The following GRIN2A variants were observed in gnomAD, a reference collection of about 807,000 sequenced individuals.
The protein encoded by GRIN2A is glutamate ionotropic receptor NMDA type subunit 2A.
GRIN2A carries 22 observed loss-of-function variants against 113.4 expected under a neutral mutation model. That is an observed-to-expected ratio of 0.19 (90% confidence interval 0.14 to 0.28). The LOEUF (loss-of-function observed/expected upper bound fraction) is 0.28, where lower values mean the gene tolerates loss of function less well. Ranked by LOEUF, GRIN2A falls within the 10% of genes least tolerant of loss-of-function variation. The probability of loss-of-function intolerance (pLI) is 1.00; values close to 1 mark genes in which losing one functional copy is unlikely to be tolerated. For synonymous variants in GRIN2A, 827 were observed against 738.4 expected (o/e 1.12, Z -1.94); for missense variants, 1,502 against 1,887.0 (o/e 0.80, Z 3.78).
chr16:10,110,561 G>A (rs924145094), intron 2 of GRIN2A, among the ~76,000 whole-genome samples: 2 of 152,200 alleles, frequency 1.3e-5, no homozygotes, highest in African/African-American at 2.4e-5. Flanking sequence ...AGGACTGGGG[G>A]GTGCATGGGC....
intron 2 of GRIN2A, among the ~76,000 whole-genome samples, chr16:9,957,708 C>T (rs1470149175): frequency 6.6e-6 from 1 of 152,164 alleles, no homozygotes; most frequent in African/African-American, 2.4e-5. Context: ...ATGGGGCTAT[C>T]TCAACTCTTC....
At chr16:9,812,177 C>T (rs563880624) in intron 10 of GRIN2A, among the ~76,000 whole-genome samples, 4 of 152,216 alleles carry the variant, frequency 2.6e-5, no homozygotes, top group South Asian at 2.1e-4. Context: ...ATCCCAGACA[C>T]GCTGCTTAAT....
At chr16:9,930,431 C>T (rs2044561097) in intron 3 of GRIN2A, among the ~76,000 whole-genome samples, 1 of 152,178 alleles carries the variant, frequency 6.6e-6, no homozygotes, top group Non-Finnish European at 1.5e-5. Context: ...AGTCACATAG[C>T]TTTGGGAAAA....
chr16:10,163,158 C>T (rs2049838449), intron 2 of GRIN2A, among the ~76,000 whole-genome samples: 1 of 152,140 alleles, frequency 6.6e-6, no homozygotes, highest in East Asian at 1.9e-4. Context: ...CCCTAGAAGA[C>T]AGGGAACATG....
At chr16:9,979,404 C>T (rs1041540413) in intron 2 of GRIN2A, among the ~76,000 whole-genome samples, 5 of 152,278 alleles carry the variant, frequency 3.3e-5, no homozygotes, top group Admixed American at 6.5e-5. Flanking sequence ...TCAGTGTCTT[C>T]GCACTGTCTG....
chr16:10,077,931 C>CCA (rs1370492065), intron 2 of GRIN2A, among the ~76,000 whole-genome samples: 1 of 152,156 alleles, frequency 6.6e-6, no homozygotes, highest in Non-Finnish European at 1.5e-5. Flanking sequence ...AAGGTAAACT[C>CCA]AGGCCTGGAT....
intron 2 of GRIN2A, among the ~76,000 whole-genome samples, chr16:10,101,660 G>A (rs370756135): frequency 3.3e-5 from 5 of 152,308 alleles, no homozygotes; most frequent in African/African-American, 7.2e-5. Flanking sequence ...TGGGACAAGA[G>A]CCTAATCTCC....
At chr16:9,948,961 C>A (rs763353041) in intron 2 of GRIN2A, among the ~76,000 whole-genome samples, 1 of 152,100 alleles carries the variant, frequency 6.6e-6, no homozygotes, top group East Asian at 1.9e-4. Flanking sequence ...ATGGACCTGG[C>A]AGTTTTCTAA....
chr16:9,754,612 T>TG lies in GRIN2A; in HGVS notation c.*8536_*8537insC, dbSNP rs59371229. ...ACGTAAGTGGTCATGGCCCCAGAGCTTTTCTACAAACTTAATAAACTAAAG... is the reference window on the plus strand; with the variant it reads ...ACGTAAGTGGTCATGGCCCCAGAGCTGTTTCTACAAACTTAATAAACTAAAG... On this transcript the variant is annotated 3_prime_UTR_variant, in exon 13 of 13. Transcript: ENST00000330684. The TG allele has an allele frequency of 9.0e-3, 1,942 of 216,630 alleles. 25 individuals are homozygous for TG. The highest frequency in any genetic ancestry group is 0.04 in the African/African-American group (1,786 of 44,526). 13.4% of individuals were successfully genotyped at this position (216,630 alleles called of 1,614,324 possible).
chr16:9,878,640 T>G (rs2043418001), intron 4 of GRIN2A, among the ~76,000 whole-genome samples: 1 of 152,216 alleles, frequency 6.6e-6, no homozygotes, highest in African/African-American at 2.4e-5. Flanking sequence ...ATCATCTTTA[T>G]CATTAGTATC....
At position 9,970,786 on chromosome 16, in the gene GRIN2A, T is replaced by C. The variant is rs1238105571; in HGVS notation, c.415-32235A>G. The C allele has an allele frequency of 4.4e-6, 4 of 901,964 alleles. No homozygotes were observed. The African/African-American group carries it at 5.4e-5, about 12-fold the overall frequency. The allele number at this position is 901,964 out of a possible 1,614,324, so 55.9% of individuals were successfully genotyped here. On this transcript the variant is annotated intron_variant, in intron 2 of 12. Coordinates refer to ENST00000330684, the MANE Select transcript of GRIN2A (RefSeq NM_001134407.3). ...TGGTAAACTCTCAACAGGAGAAATATTGGATATATCAAATATAGTTCCTTC... is the reference window on the plus strand; with the variant it reads ...TGGTAAACTCTCAACAGGAGAAATACTGGATATATCAAATATAGTTCCTTC...
intron 4 of GRIN2A, among the ~76,000 whole-genome samples, chr16:9,864,597 G>A (rs1328753875): frequency 6.6e-6 from 1 of 152,116 alleles, no homozygotes; most frequent in Non-Finnish European, 1.5e-5. Context: ...AAAGCTGATG[G>A]ATTTCCTCAC....
chr16:10,171,117 A>T (rs2050032713), intron 2 of GRIN2A, among the ~76,000 whole-genome samples: 1 of 152,186 alleles, frequency 6.6e-6, no homozygotes, highest in African/African-American at 2.4e-5. Context: ...CTTGCATCTG[A>T]GCCCCTTCCC....
rs1900350303 is a variant in GRIN2A, at chr16:9,756,408, G to C, written c.*6741C>G. 4.3e-6 allele frequency: 1 copy of C among 230,702 alleles called. No individual in the cohort carries two copies. Among genetic ancestry groups the C allele is most frequent in the African/African-American group, 2.2e-5 (1 of 45,222 alleles). 14.3% of individuals were successfully genotyped at this position (230,702 alleles called of 1,614,324 possible). On this transcript the variant is annotated 3_prime_UTR_variant, in exon 13 of 13. Transcript: ENST00000330684. ...TCCATACACACAGATCAGGCAATGA[G>C]GGGTAAGACCCTAACAGACTTCCCT...
chr16:9,888,451 G>A (rs984873148), intron 4 of GRIN2A, among the ~76,000 whole-genome samples: 1 of 150,190 alleles, frequency 6.7e-6, no homozygotes, highest in African/African-American at 2.5e-5. Flanking sequence ...ATGTGTGCAT[G>A]CATAATGTGA....
At chr16:9,942,986 G>A (rs2044923627) in intron 2 of GRIN2A, 2 of 152,188 alleles carry the variant, frequency 1.3e-5, no homozygotes, top group South Asian at 4.1e-4. Context: ...GATTTCCTAA[G>A]GTGATTTTAT....
intron 5 of GRIN2A, among the ~76,000 whole-genome samples, chr16:9,847,205 G>A (rs1472795316): frequency 1.3e-5 from 2 of 152,116 alleles, no homozygotes. Context: ...GAAGAAGAAT[G>A]TGTGGGGGGA....
rs776324005 is a variant in GRIN2A, at chr16:9,849,806, G to C, written c.1278C>G (p.Thr426=). 78 of 1,613,882 alleles carry C rather than the reference G, an allele frequency of 4.8e-5. No homozygotes were observed. The highest frequency in any genetic ancestry group is 2.4e-5 in the Non-Finnish European group (28 of 1,179,972). Residue 426 remains threonine, a synonymous_variant, in exon 5 of 13, where the codon ACC becomes ACG. Coordinates refer to ENST00000330684, the MANE Select transcript of GRIN2A (RefSeq NM_001134407.3). ...GCACGGTGTTCCTCACACACGTCTCGGTCAGGGGGTCTATGTCTTCCACGA... is the reference window on the plus strand; with the variant it reads ...GCACGGTGTTCCTCACACACGTCTCCGTCAGGGGGTCTATGTCTTCCACGA... ...FVIVEDIDPL[T]ETCVRNTVPC... is the part of the protein sequence containing the mutation.
intron 2 of GRIN2A, among the ~76,000 whole-genome samples, chr16:9,990,629 T>C (rs915683371): frequency 2.7e-4 from 40 of 150,704 alleles, no homozygotes; most frequent in Admixed American, 7.9e-4. Context: ...TGCCTCTAGA[T>C]ACTGACTCAA....
Sources: allele counts gnomAD v4.1 joint callset (sites outside exome capture counted in the v4.1 genomes callset), GRCh38; gene constraint gnomAD v4.1.1; transcripts MANE v1.5; gene names NCBI Gene and HGNC (gene_info 2026-07-23, HGNC 2026-07-21).